Variants in DLGAP2 observed in about 807,000 individuals in gnomAD.
DLGAP2 encodes disks large-associated protein 2.
A neutral mutation model predicts 100.3 loss-of-function variants in DLGAP2; 26 were observed. The ratio of observed to expected loss-of-function variants is 0.26; its 90% confidence interval spans 0.19 to 0.36. DLGAP2 has a LOEUF of 0.36. Among genes scored for constraint, DLGAP2 ranks in the 10% least tolerant of loss-of-function variants. The pLI is 1.00. For missense variants in DLGAP2, 1,858 were observed against 1,453.2 expected (o/e 1.28, Z -4.53); for synonymous variants, 886 against 630.1 (o/e 1.41, Z -6.08).
At chr8:1,047,428 C>G (rs191459506) in intron 2 of DLGAP2, among the ~76,000 whole-genome samples, 1 of 152,208 alleles carries the variant, frequency 6.6e-6, no homozygotes, top group Non-Finnish European at 1.5e-5. Context: ...TTTTAAAATC[C>G]AAAATGCTCC....
chr8:1,218,082 C>A (rs1043699931), intron 2 of DLGAP2, among the ~76,000 whole-genome samples: 1 of 152,156 alleles, frequency 6.6e-6, no homozygotes, highest in African/African-American at 2.4e-5. Context: ...TTTTTCTATG[C>A]AGAAGCTCTT....
rs118047748 is a variant in DLGAP2 at position 1,202,091 on chromosome 8, A to G, written c.74-56760A>G. Among the ~76,000 whole-genome samples the G allele has an allele frequency of 2.2e-3, 337 of 150,916 alleles. 15 individuals carry two copies. In the East Asian group the frequency reaches 0.056, roughly 25 times the overall value. On this transcript the variant is annotated intron_variant, in intron 2 of 14. Transcript: ENST00000637795. ...TATGTGTACGCCTGTGGTGTGTGCA[A>G]GTGTGCACATGTGTACAGCATCTGT...
intron 2 of DLGAP2, among the ~76,000 whole-genome samples, chr8:945,467 T>C (rs1257041352): frequency 6.6e-6 from 1 of 152,222 alleles, no homozygotes; most frequent in Non-Finnish European, 1.5e-5. Flanking sequence ...CCTAGTTTAC[T>C]AGCAGCTAGA....
intron 1 of DLGAP2, among the ~76,000 whole-genome samples, chr8:775,273 T>TA (rs1383252384): frequency 6.6e-6 from 1 of 152,200 alleles, no homozygotes; most frequent in Non-Finnish European, 1.5e-5. Flanking sequence ...GTTTTCTAGA[T>TA]ATACAATGAT....
intron 2 of DLGAP2, among the ~76,000 whole-genome samples, chr8:1,186,067 C>G (rs1797496953): frequency 6.6e-6 from 1 of 152,150 alleles, no homozygotes; most frequent in Non-Finnish European, 1.5e-5. Flanking sequence ...TGGAGACAGC[C>G]CCAGGGTCGA....
At chr8:1,413,301 T>G (rs1248084152) in intron 3 of DLGAP2, among the ~76,000 whole-genome samples, 1 of 152,146 alleles carries the variant, frequency 6.6e-6, no homozygotes, top group Non-Finnish European at 1.5e-5. Flanking sequence ...GGAAGCAGAA[T>G]GAATAAATGG....
chr8:1,633,188 A>G, intron 8 of DLGAP2, 142 bp downstream of exon 8: 1 of 743,514 alleles, frequency 1.3e-6, no homozygotes, highest in East Asian at 2.7e-5. Context: ...TGCATGTGTT[A>G]CACTGTCACA....
intron 2 of DLGAP2, among the ~76,000 whole-genome samples, chr8:1,227,175 G>GATATATATATATATATATAT (rs1491434618): frequency 1.6e-5 from 1 of 62,950 alleles, no homozygotes; most frequent in Non-Finnish European, 2.7e-5. Flanking sequence ...TATATATATA[G>GATATATATATATATATATAT]TATAGATATA....
chr8:1,038,564 G>C (rs1802199980), intron 2 of DLGAP2, among the ~76,000 whole-genome samples: 2 of 152,208 alleles, frequency 1.3e-5, no homozygotes, highest in Non-Finnish European at 2.9e-5. Flanking sequence ...TAAACGTTAG[G>C]AGTAATTCTC....
At chr8:886,986 T>C (rs1797935802) in intron 1 of DLGAP2, among the ~76,000 whole-genome samples, 2 of 152,332 alleles carry the variant, frequency 1.3e-5, no homozygotes, top group South Asian at 2.1e-4. Context: ...TTTCCCACTA[T>C]TGTTGTGTGG....
intron 2 of DLGAP2, chr8:1,003,232 G>A (rs1453174086): frequency 6.6e-6 from 1 of 152,238 alleles, no homozygotes; most frequent in African/African-American, 2.4e-5. Flanking sequence ...CCCTAAATCA[G>A]GAGAGCAAAC....
At chr8:1,526,345 G>A (rs1045456552) in intron 4 of DLGAP2, among the ~76,000 whole-genome samples, 2 of 151,942 alleles carry the variant, frequency 1.3e-5, no homozygotes, top group Non-Finnish European at 2.9e-5. Context: ...AGGGCTGAGA[G>A]TCTCCCCCAC....
chr8:1,066,343 C>T (rs754914935), intron 2 of DLGAP2, among the ~76,000 whole-genome samples: 6 of 149,342 alleles, frequency 4.0e-5, no homozygotes, highest in Non-Finnish European at 7.4e-5. Flanking sequence ...AGGGCAGCTC[C>T]TCACCACGGT....
intron 2 of DLGAP2, among the ~76,000 whole-genome samples, chr8:965,745 C>CAG (rs1248715390): frequency 9.5e-6 from 1 of 105,538 alleles, no homozygotes; most frequent in Non-Finnish European, 2.1e-5. Flanking sequence ...TCACCTCACA[C>CAG]GGCTCCTGAG....
intron 2 of DLGAP2, among the ~76,000 whole-genome samples, chr8:966,310 C>G (rs1584931351): frequency 6.6e-6 from 1 of 152,168 alleles, no homozygotes; most frequent in East Asian, 1.9e-4. Flanking sequence ...ACTTTGAACA[C>G]TTGATCAGAA....
At chr8:1,242,267 G>C (rs941601085) in intron 2 of DLGAP2, among the ~76,000 whole-genome samples, 4 of 152,196 alleles carry the variant, frequency 2.6e-5, no homozygotes, top group African/African-American at 9.7e-5. Flanking sequence ...TCGGGGGAAA[G>C]GGGTTGGTTG....
chr8:1,645,158 C>T (rs1798012394), intron 8 of DLGAP2, among the ~76,000 whole-genome samples: 1 of 152,208 alleles, frequency 6.6e-6, no homozygotes, highest in South Asian at 2.1e-4. Context: ...GAAACAGAAT[C>T]ATTCAACATC....
chr8:806,639 C>T (rs990206320), intron 1 of DLGAP2, among the ~76,000 whole-genome samples: 4 of 152,130 alleles, frequency 2.6e-5, no homozygotes, highest in African/African-American at 7.2e-5. Flanking sequence ...CCCTGCTGAC[C>T]CCTTCGGGGC....
intron 3 of DLGAP2, among the ~76,000 whole-genome samples, chr8:1,290,198 C>G (rs1585226862): frequency 6.6e-6 from 1 of 152,178 alleles, no homozygotes; most frequent in Admixed American, 6.5e-5. Flanking sequence ...GTCAGCTAGA[C>G]TCGAACAAAA....
Sources: gnomAD v4.1 joint callset for allele counts (sites outside exome capture counted in the v4.1 genomes callset) on GRCh38, gnomAD v4.1.1 for gene constraint, MANE v1.5 for transcripts, NCBI Gene and HGNC (gene_info 2026-07-23, HGNC 2026-07-21) for gene names.